SPOCK1: variants seen among roughly 807,000 people sequenced by gnomAD.
SPOCK1 encodes SPARC (osteonectin), cwcv and kazal like domains proteoglycan 1.
SPOCK1 carries 23 observed loss-of-function variants against 55.3 expected under a neutral mutation model. The observed-to-expected ratio is 0.42, with a 90% confidence interval of 0.30 to 0.59. The LOEUF (loss-of-function observed/expected upper bound fraction) is 0.59. SPOCK1 is among the 20% of genes least tolerant of loss of function. The pLI is 0.22. For missense variants in SPOCK1, 499 were observed against 552.5 expected (o/e 0.90, Z 0.97); for synonymous variants, 226 against 221.0 (o/e 1.02, Z -0.20).
intron 6 of SPOCK1, among the ~76,000 whole-genome samples, chr5:137,016,751 A>G (rs899764237): frequency 1.3e-5 from 2 of 152,228 alleles, no homozygotes; most frequent in African/African-American, 4.8e-5. Flanking sequence ...CCAGGCATCA[A>G]ATGAGGCTGT....
At chr5:137,390,895 C>T (rs1003043543) in intron 2 of SPOCK1, among the ~76,000 whole-genome samples, 83 of 152,088 alleles carry the variant, frequency 5.5e-4, no homozygotes, top group African/African-American at 2.0e-3. Context: ...TATATGTATA[C>T]ACACACATAC....
chr5:137,236,753 C>T (rs1409123940), intron 3 of SPOCK1, among the ~76,000 whole-genome samples: 2 of 152,208 alleles, frequency 1.3e-5, no homozygotes, highest in African/African-American at 2.4e-5. Flanking sequence ...TTTCCCTTAT[C>T]AATTCCCCAC....
In SPOCK1 at chr5:137,143,295, C is replaced by A. The variant is rs1754134028; in HGVS notation, c.233-2601G>T. ...CAGTACTACATGACAAGCTTTGTGG[C>A]AGAATTTGAGCTTATTTTTGCCTCT... On this transcript the variant is annotated intron_variant, in intron 3 of 10. Transcript: ENST00000394945. 3.9e-5 allele frequency among the ~76,000 whole-genome samples: 6 copies of A among 152,144 alleles called. 1 individual carries two copies. Among genetic ancestry groups the A allele is most frequent in the Admixed American group, 3.9e-4 (6 of 15,270 alleles).
intron 2 of SPOCK1, among the ~76,000 whole-genome samples, chr5:137,395,748 G>A (rs138532243): frequency 8.0e-4 from 122 of 152,320 alleles, no homozygotes; most frequent in Non-Finnish European, 1.5e-3. Flanking sequence ...CCTGCAAGGC[G>A]TGGAGCTGTA....
intron 4 of SPOCK1, among the ~76,000 whole-genome samples, chr5:137,133,639 G>C (rs572842910): frequency 2.0e-5 from 3 of 152,196 alleles, no homozygotes; most frequent in South Asian, 2.1e-4. Context: ...TTCAGTGAAG[G>C]CTCCACAAAC....
chr5:137,111,009 G>A (rs1206641898), intron 5 of SPOCK1, among the ~76,000 whole-genome samples: 1 of 152,116 alleles, frequency 6.6e-6, no homozygotes, highest in Non-Finnish European at 1.5e-5. Flanking sequence ...GAACATCTGG[G>A]AGGATAAAAC....
At chr5:137,444,085 A>G (rs1312864453) in intron 2 of SPOCK1, among the ~76,000 whole-genome samples, 2 of 152,136 alleles carry the variant, frequency 1.3e-5, no homozygotes, top group African/African-American at 2.4e-5. Context: ...CCAGGCTCCC[A>G]AGGCACTTTG....
At chr5:137,415,112 G>A (rs548551571) in intron 2 of SPOCK1, among the ~76,000 whole-genome samples, 1 of 152,060 alleles carries the variant, frequency 6.6e-6, no homozygotes, top group Non-Finnish European at 1.5e-5. Flanking sequence ...GCCATTTGGG[G>A]GATTAAATTT....
At chr5:137,039,002 C>T (rs1751938111) in intron 6 of SPOCK1, among the ~76,000 whole-genome samples, 1 of 152,078 alleles carries the variant, frequency 6.6e-6, no homozygotes, top group African/African-American at 2.4e-5. Flanking sequence ...TTACACAGAC[C>T]TTCCTATTGC....
At chr5:137,025,557 A>T (rs1751659814) in intron 6 of SPOCK1, among the ~76,000 whole-genome samples, 1 of 152,198 alleles carries the variant, frequency 6.6e-6, no homozygotes, top group African/African-American at 2.4e-5. Flanking sequence ...GTCCTCAAAA[A>T]CAAAGAAGCA....
At chr5:137,110,214 G>A (rs780321788) in intron 5 of SPOCK1, among the ~76,000 whole-genome samples, 2 of 152,094 alleles carry the variant, frequency 1.3e-5, no homozygotes, top group Non-Finnish European at 2.9e-5. Flanking sequence ...CTCCTTCTTC[G>A]GATATGTGGA....
chr5:137,111,885 A>T (rs1859346), intron 5 of SPOCK1, among the ~76,000 whole-genome samples: 3 of 152,000 alleles, frequency 2.0e-5, no homozygotes, highest in Non-Finnish European at 2.9e-5. Flanking sequence ...GGTTTGAGTT[A>T]AAATGACCTG....
intron 6 of SPOCK1, among the ~76,000 whole-genome samples, chr5:137,018,345 C>T (rs568751210): frequency 6.6e-6 from 1 of 152,316 alleles, no homozygotes; most frequent in African/African-American, 2.4e-5. Context: ...AACCTCAGGA[C>T]TCTGGTCAAC....
intron 3 of SPOCK1, among the ~76,000 whole-genome samples, chr5:137,225,868 C>A (rs1755936085): frequency 6.6e-6 from 1 of 152,216 alleles, no homozygotes. Context: ...AAACAAAAGC[C>A]TTTTGTGAGA....
intron 2 of SPOCK1, among the ~76,000 whole-genome samples, chr5:137,312,805 C>G (rs1461418363): frequency 6.6e-6 from 1 of 152,202 alleles, no homozygotes; most frequent in Non-Finnish European, 1.5e-5. Context: ...TTCTATCTCT[C>G]TCCCATCATC....
At chr5:137,344,768 G>A (rs1212097364) in intron 2 of SPOCK1, among the ~76,000 whole-genome samples, 1 of 152,184 alleles carries the variant, frequency 6.6e-6, no homozygotes, top group Non-Finnish European at 1.5e-5. Flanking sequence ...GCAGGTTTCT[G>A]GATTCTACCG....
intron 2 of SPOCK1, among the ~76,000 whole-genome samples, chr5:137,402,055 T>G (rs1751994354): frequency 6.6e-6 from 1 of 152,174 alleles, no homozygotes; most frequent in Non-Finnish European, 1.5e-5. Flanking sequence ...AGGCATTCTA[T>G]CTCCCTCTCA....
chr5:137,175,678 T>C (rs1239827806), intron 3 of SPOCK1, among the ~76,000 whole-genome samples: 1 of 152,198 alleles, frequency 6.6e-6, no homozygotes, highest in African/African-American at 2.4e-5. Flanking sequence ...AAAATAATTA[T>C]AGCTATCTCG....
intron 2 of SPOCK1, among the ~76,000 whole-genome samples, chr5:137,492,845 T>C (rs1188780936): frequency 6.6e-6 from 1 of 152,204 alleles, no homozygotes; most frequent in African/African-American, 2.4e-5. Context: ...CTTCCCTTCA[T>C]GGTGAGTTCA....
Sources: gnomAD v4.1 joint callset for allele counts (sites outside exome capture counted in the v4.1 genomes callset) on GRCh38, gnomAD v4.1.1 for gene constraint, MANE v1.5 for transcripts, NCBI Gene and HGNC (gene_info 2026-07-23, HGNC 2026-07-21) for gene names.